The following ATL3 variants were observed in gnomAD, a reference collection of about 807,000 sequenced individuals.
The protein encoded by ATL3 is atlastin GTPase 3.
ATL3 carries 49 observed loss-of-function variants against 69.5 expected under a neutral mutation model. That is an observed-to-expected ratio of 0.71 (90% CI 0.56 to 0.89). The LOEUF (loss-of-function observed/expected upper bound fraction) is 0.89, where lower values mean the gene tolerates loss of function less well. Ranked by LOEUF, ATL3 falls within the 40% of genes least tolerant of loss-of-function variation. The probability of loss-of-function intolerance (pLI) is 0.00; values close to 1 mark genes in which losing one functional copy is unlikely to be tolerated. For synonymous variants in ATL3, 214 were observed against 224.1 expected (o/e 0.95, Z 0.40); for missense variants, 606 against 645.7 (o/e 0.94, Z 0.67).
At chr11:63,671,181 C>T in intron 1 of ATL3, 109 bp downstream of exon 1, 1 of 1,444,226 alleles carries the variant, frequency 6.9e-7, no homozygotes, top group East Asian at 2.9e-5. Flanking sequence ...GCGGTCCCAG[C>T]CCCGGGACGA....
At chr11:63,656,834 T>C (rs868396754) in intron 3 of ATL3, among the ~76,000 whole-genome samples, 2 of 151,382 alleles carry the variant, frequency 1.3e-5, no homozygotes, top group African/African-American at 2.4e-5. Flanking sequence ...TAAGAGTAAA[T>C]ATTTTCCAAA....
intron 8 of ATL3, among the ~76,000 whole-genome samples, chr11:63,640,594 CTTTTTTTTTTTTTTTTTT>C (rs1172516886): frequency 2.4e-5 from 2 of 84,346 alleles, no homozygotes; most frequent in African/African-American, 1.1e-4. Context: ...ACCATAGTAT[CTTTTTTTTTTTTTTTTTT>C]TTTTTTTTTG....
At chr11:63,671,729 C>G, upstream of ATL3, 5 of 1,247,770 alleles carry the variant, frequency 4.0e-6, no homozygotes, top group Non-Finnish European at 5.1e-6. Context: ...GCGCACTCAT[C>G]TGGGGCGGGG....
At chr11:63,654,155 T>G (rs939172496) in intron 3 of ATL3, among the ~76,000 whole-genome samples, 4 of 151,652 alleles carry the variant, frequency 2.6e-5, no homozygotes, top group African/African-American at 7.3e-5. Flanking sequence ...ATTTGTTTTT[T>G]TTTTTTTTTT....
chr11:63,642,767 T>C (rs1210003596), intron 8 of ATL3, among the ~76,000 whole-genome samples: 1 of 152,220 alleles, frequency 6.6e-6, no homozygotes, highest in East Asian at 1.9e-4. Flanking sequence ...ACCAGGAATC[T>C]GAGAGACTCG....
At chr11:63,635,366 G>A (rs1365647122) in intron 10 of ATL3, among the ~76,000 whole-genome samples, 168 bp downstream of exon 10, 6 of 150,944 alleles carry the variant, frequency 4.0e-5, no homozygotes, top group African/African-American at 1.5e-4. Context: ...AAGTGAACTA[G>A]AAAAGGTCGC....
At chr11:63,652,326 T>A in intron 4 of ATL3, 145 bp downstream of exon 4, 1 of 583,764 alleles carries the variant, frequency 1.7e-6, no homozygotes. Flanking sequence ...CTCAAACTTT[T>A]AAAAGTTTAA....
At chr11:63,648,934 ATAGTGAAACCCTGT>A (rs1939980701) in intron 5 of ATL3, among the ~76,000 whole-genome samples, 1 of 152,170 alleles carries the variant, frequency 6.6e-6, no homozygotes. Context: ...TCTGACCAAC[ATAGTGAAACCCTGT>A]CTCTACTAAA....
chr11:63,648,677 C>T (rs1939968702), intron 5 of ATL3, among the ~76,000 whole-genome samples: 1 of 152,126 alleles, frequency 6.6e-6, no homozygotes, highest in South Asian at 2.1e-4. Context: ...GGCATGGTGG[C>T]ACATGCCTGT....
chr11:63,652,822 G>A (rs1255372125), intron 3 of ATL3, among the ~76,000 whole-genome samples: 4 of 152,204 alleles, frequency 2.6e-5, no homozygotes, highest in Non-Finnish European at 5.9e-5. Flanking sequence ...AATTGAAACA[G>A]ACAAAAGTTG....
chr11:63,671,947 C>T (rs1940802596), upstream of ATL3: 6 of 211,490 alleles, frequency 2.8e-5, no homozygotes, highest in South Asian at 2.6e-4. Flanking sequence ...GAAGAGAGGC[C>T]TCAACCCTGG....
Position 63,643,370 on chromosome 11 carries a change from A to T in ATL3, c.837T>A (p.Asp279Glu), listed in dbSNP as rs1400158579. The change falls in exon 8 of 13, where the codon GAT (aspartate) becomes GAA (glutamate). Residue 279 changes from aspartate to glutamate, a missense_variant. Transcript: ENST00000398868. Reference protein sequence around the residue: ...GLQVATSPDFDGKLKDIAGEF... With the variant: ...GLQVATSPDFEGKLKDIAGEF... ...CCTGGAACACACCTTTTAATTTCCC[A>T]TCAAAGTCAGGGCTTGTGGCCACCT... 3 of 1,607,432 alleles carry T rather than the reference A, an allele frequency of 1.9e-6. No homozygotes were observed. The highest frequency in any genetic ancestry group is 2.5e-6 in the Non-Finnish European group (3 of 1,177,362).
At chr11:63,651,785 C>A (rs909058868) in intron 5 of ATL3, 151 bp downstream of exon 5, 3 of 1,167,684 alleles carry the variant, frequency 2.6e-6, no homozygotes, top group Non-Finnish European at 3.4e-6. Context: ...CTCCACCCCA[C>A]CAATGGCTAT....
chr11:63,640,190 A>T (rs746052595), intron 8 of ATL3, among the ~76,000 whole-genome samples: 4 of 152,112 alleles, frequency 2.6e-5, no homozygotes, highest in Non-Finnish European at 4.4e-5. Flanking sequence ...GGCCTCCCAA[A>T]CTGGGATTAC....
intron 1 of ATL3, among the ~76,000 whole-genome samples, chr11:63,660,747 A>G (rs570359600): frequency 1.6e-3 from 242 of 152,274 alleles, no homozygotes; most frequent in Middle Eastern, 3.4e-3. Flanking sequence ...TCAAAAACAG[A>G]AAGTTCATTA....
Position 63,627,465 on chromosome 11 carries a change from T to G in ATL3, c.*1854A>C, listed in dbSNP as rs561259860. 1 of 152,330 alleles carries G rather than the reference T, an allele frequency of 6.6e-6. No individual in the cohort carries two copies. The highest frequency in any genetic ancestry group is 2.4e-5 in the African/African-American group (1 of 41,586). The allele number at this position is 152,330 out of a possible 1,614,324, so 9.4% of individuals were successfully genotyped here. On this transcript the variant is annotated 3_prime_UTR_variant, in exon 13 of 13. Transcript: ENST00000398868. ...TTACAAAAATACTTCAGTGGTAAAGTGTCAAAAGAAAATTCTTTGATAAAG... is the reference window on the plus strand; with the variant it reads ...TTACAAAAATACTTCAGTGGTAAAGGGTCAAAAGAAAATTCTTTGATAAAG...
chr11:63,650,287 T>TTTATATGCCTCATACAATTCTGAAG (rs1255512075), intron 5 of ATL3, among the ~76,000 whole-genome samples: 25 of 152,230 alleles, frequency 1.6e-4, no homozygotes, highest in East Asian at 5.8e-4. Flanking sequence ...TGTTAAATCT[T>TTTATATGCCTCATACAATTCTGAAG]TTATATGCCT....
chr11:63,667,859 G>T (rs1462024061), intron 1 of ATL3, among the ~76,000 whole-genome samples: 2 of 151,862 alleles, frequency 1.3e-5, no homozygotes, highest in African/African-American at 4.8e-5. Context: ...GTTGTGGGGG[G>T]CTATCCTACG....
rs184872696 is a variant in ATL3, at chr11:63,646,549, G to A, written c.576C>T (p.Tyr192=). The change falls in exon 6 of 13, where the codon TAC becomes TAT. Residue 192 remains tyrosine (Y), a synonymous_variant. Coordinates refer to ENST00000398868, the MANE Select transcript of ATL3 (RefSeq NM_015459.5). ...AAATTTCATCCATTGCCAGACGACCGTATTCTGTGAAGAGCTTTAAAAAAG... is the reference window on the plus strand; with the variant it reads ...AAATTTCATCCATTGCCAGACGACCATATTCTGTGAAGAGCTTTAAAAAAG... ...DLQQLQLFTE[Y]GRLAMDEIFQ... 9.6e-5 allele frequency: 153 copies of A among 1,602,082 alleles called. No homozygotes were observed. Among genetic ancestry groups the A allele is most frequent in the African/African-American group, 4.0e-5 (3 of 74,364 alleles).
Sources: gnomAD v4.1 joint callset for allele counts (sites outside exome capture counted in the v4.1 genomes callset) on GRCh38, gnomAD v4.1.1 for gene constraint, MANE v1.5 for transcripts, NCBI Gene and HGNC (gene_info 2026-07-23, HGNC 2026-07-21) for gene names.